Variants in ZNF804B observed in about 807,000 individuals in gnomAD.
ZNF804B encodes zinc finger 804B.
In ZNF804B, 80 loss-of-function variants were observed where a neutral mutation model predicts 101.4. The observed-to-expected ratio is 0.79, with a 90% CI of 0.66 to 0.95. The LOEUF (loss-of-function observed/expected upper bound fraction) is 0.95, where lower values mean the gene tolerates loss of function less well. Among genes scored for constraint, ZNF804B ranks in the 40% least tolerant of loss-of-function variants. The pLI, the probability that ZNF804B is intolerant of heterozygous loss-of-function variation, is 0.00. For synonymous variants in ZNF804B, 622 were observed against 558.8 expected (o/e 1.11, Z -1.59); for missense variants, 1,673 against 1,561.9 (o/e 1.07, Z -1.20).
intron 1 of ZNF804B, among the ~76,000 whole-genome samples, chr7:89,071,455 C>A (rs867891396): frequency 6.6e-6 from 1 of 151,996 alleles, no homozygotes; most frequent in Admixed American, 6.6e-5. Flanking sequence ...GGTCATTTCA[C>A]GTGATTGAGA....
chr7:89,014,302 T>C (rs1788507121), intron 1 of ZNF804B, among the ~76,000 whole-genome samples: 2 of 152,040 alleles, frequency 1.3e-5, no homozygotes, highest in Non-Finnish European at 2.9e-5. Context: ...TGATGATTAG[T>C]GATTGAACTT....
At chr7:88,955,290 A>C (rs1379476000) in intron 1 of ZNF804B, among the ~76,000 whole-genome samples, 1 of 151,686 alleles carries the variant, frequency 6.6e-6, no homozygotes, top group South Asian at 2.1e-4. Context: ...GCTTTTTACT[A>C]TAAAGAGTAG....
At chr7:89,151,778 T>C (rs1050662657) in intron 1 of ZNF804B, among the ~76,000 whole-genome samples, 8 of 152,118 alleles carry the variant, frequency 5.3e-5, no homozygotes, top group South Asian at 4.1e-4. Flanking sequence ...GTTAGGCTCT[T>C]TAACATGGCA....
At chr7:89,236,113 C>T (rs1296146133) in intron 2 of ZNF804B, among the ~76,000 whole-genome samples, 1 of 152,010 alleles carries the variant, frequency 6.6e-6, no homozygotes, top group East Asian at 1.9e-4. Context: ...TTTATCATTA[C>T]TTGGCCTCCA....
At chr7:88,961,287 A>G (rs1018973802) in intron 1 of ZNF804B, among the ~76,000 whole-genome samples, 1 of 151,346 alleles carries the variant, frequency 6.6e-6, no homozygotes, top group Non-Finnish European at 1.5e-5. Context: ...GTGTCTTATT[A>G]TTTTAAAGAC....
intron 1 of ZNF804B, among the ~76,000 whole-genome samples, chr7:88,903,199 T>C (rs115273119): frequency 0.011 from 1,661 of 152,134 alleles, 21 homozygotes; most frequent in Middle Eastern, 0.024. Context: ...AATGTGGTAG[T>C]TGCTTTTCTG....
chr7:89,308,425 T>C (rs1790599515), intron 2 of ZNF804B, among the ~76,000 whole-genome samples: 1 of 152,168 alleles, frequency 6.6e-6, no homozygotes, highest in Non-Finnish European at 1.5e-5. Flanking sequence ...CTGAAGGAAG[T>C]TGGGAATATA....
chr7:89,210,212 A>G (rs1316765023), intron 1 of ZNF804B, among the ~76,000 whole-genome samples: 2 of 152,130 alleles, frequency 1.3e-5, no homozygotes, highest in Admixed American at 6.6e-5. Context: ...ATTAATGTTA[A>G]TTAAGTACAT....
At chr7:89,248,636 G>A (rs565881605) in intron 2 of ZNF804B, among the ~76,000 whole-genome samples, 4 of 151,968 alleles carry the variant, frequency 2.6e-5, no homozygotes, top group Non-Finnish European at 5.9e-5. Flanking sequence ...AATACATAAG[G>A]GAGTTCTAAA....
rs559350532 is a variant in ZNF804B at position 89,114,329 on chromosome 7, C to A, written c.109-103826C>A. Among the ~76,000 whole-genome samples the A allele has an allele frequency of 2.6e-5, 4 of 152,236 alleles. No homozygotes were observed. In the East Asian group the frequency reaches 7.7e-4, roughly 29 times the overall value. On this transcript the variant is annotated intron_variant, in intron 1 of 3. Coordinates refer to ENST00000333190, the MANE Select transcript of ZNF804B (RefSeq NM_181646.5). ...ATTGGATATAAAGTGTGGAAATTTT[C>A]AACTCCTTCTCCCTAAAATCATGCA...
intron 1 of ZNF804B, among the ~76,000 whole-genome samples, chr7:88,978,513 A>C (rs1400759128): frequency 1.3e-5 from 2 of 151,600 alleles, no homozygotes; most frequent in Admixed American, 6.6e-5. Flanking sequence ...ATTTTTTTCT[A>C]ATATGTCTAC....
chr7:89,041,521 G>A (rs1489273078), intron 1 of ZNF804B, among the ~76,000 whole-genome samples: 1 of 152,178 alleles, frequency 6.6e-6, no homozygotes. Context: ...TTGGAACCTG[G>A]GCTCATGTGA....
intron 1 of ZNF804B, among the ~76,000 whole-genome samples, chr7:88,993,823 A>G (rs1056906740): frequency 1.3e-5 from 2 of 151,974 alleles, no homozygotes; most frequent in African/African-American, 4.8e-5. Flanking sequence ...TCTTATTATA[A>G]AACTGGTCAG....
intron 1 of ZNF804B, among the ~76,000 whole-genome samples, chr7:89,121,786 C>G (rs1197668304): frequency 2.0e-5 from 3 of 152,024 alleles, no homozygotes; most frequent in Non-Finnish European, 4.4e-5. Flanking sequence ...TCTAATTTAT[C>G]ATTTAAATGC....
chr7:89,012,751 T>C (rs1788484212), intron 1 of ZNF804B, among the ~76,000 whole-genome samples: 1 of 152,216 alleles, frequency 6.6e-6, no homozygotes, highest in South Asian at 2.1e-4. Flanking sequence ...TTCAAACCTC[T>C]GCCTGTTACC....
chr7:88,995,122 T>G (rs1198995943), intron 1 of ZNF804B, among the ~76,000 whole-genome samples: 1 of 152,086 alleles, frequency 6.6e-6, no homozygotes, highest in Admixed American at 6.6e-5. Context: ...TTGCCATGGT[T>G]CTGTTCTCCC....
chr7:89,184,074 T>G (rs1356654999), intron 1 of ZNF804B, among the ~76,000 whole-genome samples: 4 of 152,106 alleles, frequency 2.6e-5, no homozygotes, highest in Non-Finnish European at 5.9e-5. Flanking sequence ...CCAAATTAAA[T>G]CAGAATAGAA....
chr7:89,336,319 A>T lies in ZNF804B; in HGVS notation c.3337A>T (p.Asn1113Tyr). 6.2e-7 allele frequency: 1 copy of T among 1,613,944 alleles called. No individual in the cohort carries two copies. The highest frequency in any genetic ancestry group is 1.3e-5 in the African/African-American group (1 of 75,046). Residue 1113 changes from asparagine (N) to tyrosine (Y), a missense_variant, in exon 4 of 4, where the codon AAT becomes TAT. Physicochemically the swap from Asn to Tyr is moderately radical, Grantham distance 143. Transcript: ENST00000333190. ...VSMHINHVEG[N>Y]INSYYDRTMQ... ...CATGCATATAAATCATGTAGAGGGAAATATAAACTCTTACTATGACAGAAC... is the reference window on the plus strand; with the variant it reads ...CATGCATATAAATCATGTAGAGGGATATATAAACTCTTACTATGACAGAAC...
At chr7:89,015,624 A>G (rs1300747072) in intron 1 of ZNF804B, among the ~76,000 whole-genome samples, 1 of 151,988 alleles carries the variant, frequency 6.6e-6, no homozygotes, top group Non-Finnish European at 1.5e-5. Context: ...ACTGAGAATG[A>G]TGATTTCCAA....
Sources: gnomAD v4.1 joint callset for allele counts (sites outside exome capture counted in the v4.1 genomes callset) on GRCh38, gnomAD v4.1.1 for gene constraint, MANE v1.5 for transcripts, NCBI Gene and HGNC (gene_info 2026-07-23, HGNC 2026-07-21) for gene names.